The following LRRC4C variants were observed in gnomAD, a reference collection of about 807,000 sequenced individuals.
The protein encoded by LRRC4C is leucine-rich repeat-containing protein 4C.
In LRRC4C, 5 loss-of-function variants were observed where a neutral mutation model predicts 33.6. The observed-to-expected ratio is 0.15, with a 90% CI of 0.08 to 0.31. The LOEUF is 0.31. LRRC4C is among the 10% of genes least tolerant of loss of function. LRRC4C has a pLI of 1.00. For missense variants in LRRC4C, 560 were observed against 796.7 expected, an observed-to-expected ratio of 0.70 and a Z score of 3.58; for synonymous variants, 329 against 302.0, an observed-to-expected ratio of 1.09 and a Z score of -0.93.
At chr11:41,305,022 AG>A (rs1950443453) in intron 1 of LRRC4C, among the ~76,000 whole-genome samples, 1 of 56,416 alleles carries the variant, frequency 1.8e-5, no homozygotes, top group African/African-American at 6.3e-5. Context: ...CTGCCCGGCC[AG>A]CCGCCCCGTC....
In LRRC4C at chr11:40,848,581, G is replaced by A. The variant is rs182278680; in HGVS notation, c.-407+85054C>T. On this transcript the variant is annotated intron_variant, in intron 2 of 6. Transcript: ENST00000528697. ...ACTTCCAATTATGTGGTTGATTTTA[G>A]AATAAGTGTGATGTGGTGCTGAGAA... Among the ~76,000 whole-genome samples the A allele has an allele frequency of 4.1e-3, 622 of 152,228 alleles. 7 individuals carry two copies. The highest frequency in any genetic ancestry group is 0.014 in the African/African-American group (589 of 41,534).
chr11:40,707,871 T>G (rs2136551229), intron 2 of LRRC4C, among the ~76,000 whole-genome samples: 1 of 152,338 alleles, frequency 6.6e-6, no homozygotes, highest in African/African-American at 2.4e-5. Context: ...ACCTATTAAT[T>G]ATTGCCTCAA....
chr11:40,131,850 A>G lies in LRRC4C; in HGVS notation c.-43+8951T>C, dbSNP rs370993277. Among the ~76,000 whole-genome samples, 63 of 152,314 alleles carry G rather than the reference A, an allele frequency of 4.1e-4. 2 individuals are homozygous for G. In the East Asian group the frequency reaches 7.9e-3, roughly 19 times the overall value. ...AACTATAATAATATAACACTAAAAC[A>G]ATTTGAATCATACAATTAAGTTCTC... On this transcript the variant is annotated intron_variant, in intron 6 of 6. Coordinates refer to ENST00000528697, the MANE Select transcript of LRRC4C (RefSeq NM_001258419.2).
At chr11:41,005,122 A>G (rs552652903) in intron 1 of LRRC4C, among the ~76,000 whole-genome samples, 32 of 152,208 alleles carry the variant, frequency 2.1e-4, no homozygotes, top group African/African-American at 7.7e-4. Context: ...GTATTTATAG[A>G]TTCACATGCA....
chr11:40,467,064 A>G (rs541880515), intron 3 of LRRC4C, among the ~76,000 whole-genome samples: 2 of 152,276 alleles, frequency 1.3e-5, no homozygotes, highest in South Asian at 2.1e-4. Context: ...CTGAAAAGAA[A>G]CAGTTGCATA....
At chr11:41,203,737 G>A (rs1392625498) in intron 1 of LRRC4C, among the ~76,000 whole-genome samples, 1 of 152,128 alleles carries the variant, frequency 6.6e-6, no homozygotes, top group Non-Finnish European at 1.5e-5. Context: ...AGCATCTAAT[G>A]ACCTAATATA....
At chr11:40,960,916 A>G (rs1850936285) in intron 1 of LRRC4C, among the ~76,000 whole-genome samples, 1 of 151,666 alleles carries the variant, frequency 6.6e-6, no homozygotes, top group African/African-American at 2.4e-5. Context: ...GGTCATATCC[A>G]TGGTCTTTGC....
chr11:40,669,451 G>A (rs905793430), intron 2 of LRRC4C, among the ~76,000 whole-genome samples: 2 of 152,198 alleles, frequency 1.3e-5, no homozygotes, highest in African/African-American at 4.8e-5. Flanking sequence ...GACAGCTGAT[G>A]TTTCAAATGT....
intron 2 of LRRC4C, among the ~76,000 whole-genome samples, chr11:40,927,508 T>C (rs1281699630): frequency 6.6e-6 from 1 of 152,194 alleles, no homozygotes; most frequent in Non-Finnish European, 1.5e-5. Flanking sequence ...TCTTTCTGAG[T>C]TGCCAAGAAA....
At chr11:40,191,778 T>C (rs1460251862) in intron 5 of LRRC4C, among the ~76,000 whole-genome samples, 1 of 151,962 alleles carries the variant, frequency 6.6e-6, no homozygotes, top group African/African-American at 2.4e-5. Context: ...CTGGGCAACA[T>C]AGTGAGACCT....
rs370522660 is a variant in LRRC4C at position 40,289,835 on chromosome 11, T to C, written c.-176+29793A>G. 1.9e-3 allele frequency among the ~76,000 whole-genome samples: 291 copies of C among 152,274 alleles called. 1 individual carries two copies. The highest frequency in any genetic ancestry group is 6.2e-3 in the African/African-American group (259 of 41,542). On this transcript the variant is annotated intron_variant, in intron 4 of 6. Coordinates refer to ENST00000528697, the MANE Select transcript of LRRC4C (RefSeq NM_001258419.2). ...CATTAACTCCAGATTTGCAAATGTTTAAGTGGAGGGGATGGGAGGACACAT... is the reference window on the plus strand; with the variant it reads ...CATTAACTCCAGATTTGCAAATGTTCAAGTGGAGGGGATGGGAGGACACAT...
intron 2 of LRRC4C, among the ~76,000 whole-genome samples, chr11:40,903,450 T>C (rs1002677611): frequency 6.6e-6 from 1 of 152,204 alleles, no homozygotes; most frequent in Non-Finnish European, 1.5e-5. Context: ...AGGAATACTT[T>C]TGATTTTCAA....
At chr11:40,908,763 T>C (rs1278838166) in intron 2 of LRRC4C, among the ~76,000 whole-genome samples, 1 of 152,134 alleles carries the variant, frequency 6.6e-6, no homozygotes, top group Non-Finnish European at 1.5e-5. Context: ...AACTTATTCA[T>C]TTTCTAAATA....
intron 3 of LRRC4C, among the ~76,000 whole-genome samples, chr11:40,589,368 T>G (rs1012653832): frequency 6.6e-6 from 1 of 152,158 alleles, no homozygotes; most frequent in African/African-American, 2.4e-5. Flanking sequence ...AGCCTATGTG[T>G]GTCTCTGCAC....
chr11:41,228,083 A>T (rs1258277331), intron 1 of LRRC4C, among the ~76,000 whole-genome samples: 1 of 151,764 alleles, frequency 6.6e-6, no homozygotes, highest in African/African-American at 2.4e-5. Context: ...AACTACCAAG[A>T]AATTAGTAGC....
intron 1 of LRRC4C, among the ~76,000 whole-genome samples, chr11:41,067,976 C>T (rs559318081): frequency 4.5e-4 from 69 of 152,148 alleles, no homozygotes; most frequent in African/African-American, 1.5e-3. Context: ...CAACTGACAC[C>T]CTAACATCAC....
chr11:40,459,560 T>G (rs982320661), intron 3 of LRRC4C, among the ~76,000 whole-genome samples: 1 of 152,100 alleles, frequency 6.6e-6, no homozygotes, highest in African/African-American at 2.4e-5. Flanking sequence ...ACCTTCAAAT[T>G]CAGATCCAGT....
At chr11:40,191,090 A>G (rs1467318525) in intron 5 of LRRC4C, among the ~76,000 whole-genome samples, 2 of 152,174 alleles carry the variant, frequency 1.3e-5, no homozygotes, top group Non-Finnish European at 2.9e-5. Flanking sequence ...CGCACACAAC[A>G]CATCAATCAA....
intron 1 of LRRC4C, among the ~76,000 whole-genome samples, chr11:41,195,477 A>T (rs1946141754): frequency 1.3e-5 from 2 of 152,086 alleles, no homozygotes; most frequent in Non-Finnish European, 1.5e-5. Context: ...CACTGGGAAA[A>T]GGACTATCAA....
Sources: allele counts gnomAD v4.1 joint callset (sites outside exome capture counted in the v4.1 genomes callset), GRCh38; gene constraint gnomAD v4.1.1; transcripts MANE v1.5; gene names NCBI Gene and HGNC (gene_info 2026-07-23, HGNC 2026-07-21).